Variants in MRO observed in about 807,000 individuals in gnomAD.
MRO encodes the protein protein maestro.
MRO carries 28 observed loss-of-function variants against 31.0 expected under a neutral mutation model. The observed-to-expected ratio is 0.90, with a 90% CI of 0.67 to 1.24. The LOEUF (loss-of-function observed/expected upper bound fraction) is 1.24, where lower values mean the gene tolerates loss of function less well. Ranked by LOEUF, MRO falls within the 50% of genes most tolerant of loss-of-function variation. The pLI is 0.00. For missense variants in MRO, 332 were observed against 289.2 expected (o/e 1.15, Z -1.07); for synonymous variants, 108 against 108.4 (o/e 1.00, Z 0.02).
Position 50,799,203 on chromosome 18 carries a change from C to A in MRO, c.*134G>T. 1 of 737,538 alleles carries A rather than the reference C, an allele frequency of 1.4e-6. No homozygotes were observed. The highest frequency in any genetic ancestry group is 1.7e-5 in the South Asian group (1 of 58,256). 45.7% of individuals were successfully genotyped at this position (737,538 alleles called of 1,614,324 possible). A position where few individuals can be genotyped will look rare whatever the true frequency, so the allele number is the denominator to read the frequency against. On this transcript the variant is annotated 3_prime_UTR_variant, in exon 8 of 8. Transcript: ENST00000398439. ...CATGTATTATTTTTGCCTTTGATTG[C>A]TCTCCCAGCACCCTCTTTCCCATTA...
At chr18:50,816,938 C>T (rs1464790568) in intron 2 of MRO, among the ~76,000 whole-genome samples, 1 of 152,148 alleles carries the variant, frequency 6.6e-6, no homozygotes, top group Non-Finnish European at 1.5e-5. Flanking sequence ...ACCTGCTACC[C>T]TGTTCTTTCT....
rs1373801646 is a variant in MRO, at chr18:50,800,762, T to C, written c.585+587A>G. Among the ~76,000 whole-genome samples, 3 of 151,842 alleles carry C rather than the reference T, an allele frequency of 2.0e-5. No homozygotes were observed. The East Asian group carries it at 5.8e-4, about 29-fold the overall frequency. On this transcript the variant is annotated intron_variant, in intron 6 of 7. Transcript: ENST00000398439. ...TTAGCAGGGCGTGGTGGTGGGCACC[T>C]GTAATCCCAGCTACTCAGGAGGTTG...
upstream of MRO, chr18:50,824,071 G>C (rs1478480433): frequency 2.0e-5 from 3 of 152,200 alleles, no homozygotes; most frequent in African/African-American, 4.8e-5. Context: ...TTACACACAA[G>C]AAAAAGGTAT....
At chr18:50,822,056 T>A (rs558829988), upstream of MRO, among the ~76,000 whole-genome samples, 4 of 152,216 alleles carry the variant, frequency 2.6e-5, no homozygotes, top group Non-Finnish European at 5.9e-5. Context: ...GATAATTTGA[T>A]TGCAACATAT....
At chr18:50,822,375 G>A (rs12954223), upstream of MRO, among the ~76,000 whole-genome samples, 7,938 of 152,260 alleles carry the variant, frequency 0.052, 278 homozygotes, top group Non-Finnish European at 0.082. Context: ...GTCTCACTCT[G>A]TCAGCCAGGC....
intron 5 of MRO, among the ~76,000 whole-genome samples, chr18:50,802,910 G>C (rs2096731350): frequency 1.7e-5 from 2 of 118,600 alleles, no homozygotes; most frequent in African/African-American, 7.2e-5. Context: ...GTGTATGTGT[G>C]TGTGTAGTGT....
upstream of MRO, among the ~76,000 whole-genome samples, chr18:50,821,517 A>T (rs1915301917): frequency 6.6e-6 from 1 of 152,210 alleles, no homozygotes; most frequent in South Asian, 2.1e-4. Context: ...AATGACCAAA[A>T]AGGTAATAAG....
intron 5 of MRO, among the ~76,000 whole-genome samples, chr18:50,802,564 G>A (rs925463535): frequency 6.6e-6 from 1 of 152,158 alleles, no homozygotes; most frequent in Non-Finnish European, 1.5e-5. Context: ...AGGGAGGAGG[G>A]CTGGGGTGGG....
chr18:50,803,188 T>C (rs1913563737), intron 5 of MRO, among the ~76,000 whole-genome samples: 1 of 151,818 alleles, frequency 6.6e-6, no homozygotes, highest in Non-Finnish European at 1.5e-5. Context: ...GGATTTCTGC[T>C]CAAAAATTCC....
Position 50,796,152 on chromosome 18 carries a change from G to A in MRO, c.*3185C>T, listed in dbSNP as rs1350800303. ...CCTTTGGGTTGGCATTCAGATAAAC[G>A]TGGGGAAGGGGAAACTTGAAATGCA... On this transcript the variant is annotated 3_prime_UTR_variant, in exon 8 of 8. Transcript: ENST00000398439. 6.6e-6 allele frequency: 1 copy of A among 152,118 alleles called. No homozygotes were observed. Among genetic ancestry groups the A allele is most frequent in the African/African-American group, 2.4e-5 (1 of 41,420 alleles). The allele number at this position is 152,118 out of a possible 1,614,324, so 9.4% of individuals were successfully genotyped here. A position where few individuals can be genotyped will look rare whatever the true frequency, so the allele number is the denominator to read the frequency against.
intron 2 of MRO, among the ~76,000 whole-genome samples, chr18:50,811,526 A>G (rs1427217881): frequency 6.6e-6 from 1 of 152,170 alleles, no homozygotes; most frequent in Non-Finnish European, 1.5e-5. Flanking sequence ...TGTAGCATGT[A>G]TCAGTATTTC....
At chr18:50,811,569 T>C (rs932200201) in intron 2 of MRO, among the ~76,000 whole-genome samples, 1 of 152,164 alleles carries the variant, frequency 6.6e-6, no homozygotes, top group Admixed American at 6.6e-5. Flanking sequence ...TATTCAATTG[T>C]ATGGTTATAC....
chr18:50,797,087 C>T lies in MRO; in HGVS notation c.*2250G>A, dbSNP rs1912851523. 1 of 152,198 alleles carries T rather than the reference C, an allele frequency of 6.6e-6. No individual in the cohort carries two copies. The allele number at this position is 152,198 out of a possible 1,614,324, so 9.4% of individuals were successfully genotyped here. ...AAGGTTAATGACTTAAAACAACAAT[C>T]ATTTGATTCTTTGTTCATGCTTCTG... On this transcript the variant is annotated 3_prime_UTR_variant, in exon 8 of 8. Coordinates refer to ENST00000398439, the MANE Select transcript of MRO (RefSeq NM_031939.6).
intron 3 of MRO, 45 bp from the exon 4 acceptor site, chr18:50,806,895 T>C: frequency 1.3e-6 from 2 of 1,592,270 alleles, no homozygotes; most frequent in Non-Finnish European, 1.7e-6. Context: ...GTGTTCAGAG[T>C]CATACCAATC....
intron 1 of MRO, 41 bp downstream of exon 1, chr18:50,819,856 C>G (rs146595650): frequency 1.1e-5 from 17 of 1,545,600 alleles, no homozygotes; most frequent in Non-Finnish European, 1.5e-5. Context: ...GGAATGAAAC[C>G]GACAAGAATA....
In MRO at chr18:50,805,335, A is replaced by G; in HGVS notation, c.248T>C (p.Val83Ala). Residue 83 changes from valine to alanine, a missense_variant and splice_region_variant, in exon 5 of 8, where the codon GTG becomes GCG. Coordinates refer to ENST00000398439, the MANE Select transcript of MRO (RefSeq NM_031939.6). ...GAGGACAATTTTCTTATACTTTCTC[A>G]CCTGTCACCAAGGTTTGAAAAGCAG... ...GTMAYEAPDK[V>A]RKYKKIVLDL... The G allele has an allele frequency of 1.2e-6, 2 of 1,612,736 alleles. No individual in the cohort carries two copies. The highest frequency in any genetic ancestry group is 1.1e-5 in the South Asian group (1 of 90,784).
intron 2 of MRO, among the ~76,000 whole-genome samples, chr18:50,817,065 TC>T (rs1568137073): frequency 1.3e-5 from 2 of 152,282 alleles, no homozygotes; most frequent in African/African-American, 4.8e-5. Context: ...TAAGTAGAAC[TC>T]AAGGTCATGC....
rs75971268 is a variant in MRO, at chr18:50,809,428, C to T, written c.-4-24G>A. On this transcript the variant is annotated intron_variant, in intron 2 of 7. Transcript: ENST00000398439. ...AACTAAAAACAAAACAAAACAAAAT[C>T]ACATGCGCCACAGACACTCATCATC... 1,013 of 1,462,312 alleles carry T rather than the reference C, an allele frequency of 6.9e-4. 10 individuals are homozygous for T. The East Asian group carries it at 0.014, about 20-fold the overall frequency. The allele number at this position is 1,462,312 out of a possible 1,614,324, so 90.6% of individuals were successfully genotyped here.
intron 1 of MRO, 65 bp from the exon 2 acceptor site, chr18:50,819,767 G>C: frequency 6.5e-7 from 1 of 1,548,126 alleles, no homozygotes; most frequent in Middle Eastern, 1.7e-4. Flanking sequence ...GGTCGGCACA[G>C]AGTGTTGGAA....
Sources: gnomAD v4.1 joint callset for allele counts (sites outside exome capture counted in the v4.1 genomes callset) on GRCh38, gnomAD v4.1.1 for gene constraint, MANE v1.5 for transcripts, NCBI Gene and HGNC (gene_info 2026-07-23, HGNC 2026-07-21) for gene names.